GFRA1: variants seen among roughly 807,000 people sequenced by gnomAD.
GFRA1 encodes GDNF family receptor alpha-1.
Under a neutral mutation model 51.6 loss-of-function variants are expected in GFRA1, and 16 were observed. That is an observed-to-expected ratio of 0.31 (90% confidence interval 0.21 to 0.47). The LOEUF (loss-of-function observed/expected upper bound fraction) is 0.47, where lower values mean the gene tolerates loss of function less well. GFRA1 is among the 20% of genes least tolerant of loss of function. The pLI is 1.00. For missense variants in GFRA1, 530 were observed against 594.3 expected (o/e 0.89, Z 1.13); for synonymous variants, 270 against 241.3 (o/e 1.12, Z -1.10).
chr10:116,142,679 TCTAA>T (rs972166067), intron 5 of GFRA1, among the ~76,000 whole-genome samples: 5 of 152,248 alleles, frequency 3.3e-5, no homozygotes, highest in East Asian at 1.9e-4. Flanking sequence ...AATTGGGTAG[TCTAA>T]CTGATGTATT....
chr10:116,232,096 TCA>T (rs1250792070), intron 4 of GFRA1, among the ~76,000 whole-genome samples: 6 of 152,206 alleles, frequency 3.9e-5, no homozygotes, highest in Non-Finnish European at 8.8e-5. Context: ...ATCTGATAAT[TCA>T]GACTGGTGAG....
intron 4 of GFRA1, among the ~76,000 whole-genome samples, chr10:116,221,392 T>C (rs1965913410): frequency 6.6e-6 from 1 of 152,170 alleles, no homozygotes; most frequent in African/African-American, 2.4e-5. Context: ...TCGTCCCTTC[T>C]AAGACACCCC....
Position 116,058,617 on chromosome 10 carries a change from T to A in GFRA1, c.*5781A>T, listed in dbSNP as rs1430986994. The A allele has an allele frequency of 6.6e-6, 1 of 152,236 alleles. No homozygotes were observed. Among genetic ancestry groups the A allele is most frequent in the Non-Finnish European group, 1.5e-5 (1 of 68,068 alleles). The allele number at this position is 152,236 out of a possible 1,614,324, so 9.4% of individuals were successfully genotyped here. A position where few individuals can be genotyped will look rare whatever the true frequency, so the allele number is the denominator to read the frequency against. On this transcript the variant is annotated 3_prime_UTR_variant, in exon 11 of 11. Coordinates refer to ENST00000355422, the MANE Select transcript of GFRA1 (RefSeq NM_005264.8). Reference sequence around the variant, plus strand: ...TTTCATGAATGATTTGTAAAGAGAATACAGCGTCTCCGAAGGACATGAAAT... The same window carrying A: ...TTTCATGAATGATTTGTAAAGAGAAAACAGCGTCTCCGAAGGACATGAAAT...
At chr10:116,253,372 C>T (rs1968549043) in intron 4 of GFRA1, among the ~76,000 whole-genome samples, 1 of 152,198 alleles carries the variant, frequency 6.6e-6, no homozygotes, top group African/African-American at 2.4e-5. Context: ...CTTTAGGAAG[C>T]CAAGATGGGT....
intron 5 of GFRA1, among the ~76,000 whole-genome samples, chr10:116,196,534 T>C (rs969635650): frequency 7.5e-6 from 1 of 133,792 alleles, no homozygotes; most frequent in African/African-American, 2.8e-5. Flanking sequence ...TATATATTTA[T>C]AAATTTATAT....
chr10:116,188,534 G>A (rs1049248426), intron 5 of GFRA1, among the ~76,000 whole-genome samples: 13 of 152,150 alleles, frequency 8.5e-5, no homozygotes, highest in Non-Finnish European at 1.6e-4. Flanking sequence ...TCCTGGAGAT[G>A]GATGGTGGTG....
rs375165326 is a variant in GFRA1 at position 116,224,301 on chromosome 10, C to T, written c.419-12656G>A. 5.8e-4 allele frequency among the ~76,000 whole-genome samples: 89 copies of T among 152,244 alleles called. 2 individuals carry two copies. The South Asian group carries it at 0.014, about 24-fold the overall frequency. ...AGTCTGGCAGGTCCTCAAATAGTTA[C>T]GTATAGAGTTTATCATATGATCCAG... On this transcript the variant is annotated intron_variant, in intron 4 of 10. Coordinates refer to ENST00000355422, the MANE Select transcript of GFRA1 (RefSeq NM_005264.8).
At chr10:116,065,682 A>G in intron 9 of GFRA1, 56 bp from the exon 10 acceptor site, 1 of 1,374,406 alleles carries the variant, frequency 7.3e-7, no homozygotes, top group Non-Finnish European at 1.0e-6. Flanking sequence ...GTAATTACTG[A>G]TGATCCATCA....
At chr10:116,198,983 G>C (rs895773467) in intron 5 of GFRA1, among the ~76,000 whole-genome samples, 41 of 152,162 alleles carry the variant, frequency 2.7e-4, no homozygotes, top group African/African-American at 8.2e-4. Flanking sequence ...CAAAGACCAT[G>C]TGATGATGGA....
chr10:116,121,741 C>T (rs1485556387), intron 6 of GFRA1, among the ~76,000 whole-genome samples: 6 of 152,254 alleles, frequency 3.9e-5, no homozygotes, highest in East Asian at 1.9e-4. Context: ...CCATCCCTTC[C>T]CTTTGGGGCT....
intron 5 of GFRA1, among the ~76,000 whole-genome samples, chr10:116,130,261 T>C (rs989436104): frequency 4.6e-5 from 7 of 152,130 alleles, no homozygotes; most frequent in Non-Finnish European, 7.4e-5. Flanking sequence ...TAAAACTTAA[T>C]AGCTTATATA....
intron 5 of GFRA1, among the ~76,000 whole-genome samples, chr10:116,167,852 G>A (rs553265553): frequency 7.0e-4 from 106 of 152,138 alleles, no homozygotes; most frequent in Non-Finnish European, 1.3e-3. Context: ...ATACTCATGA[G>A]AGTCAGCCTT....
intron 4 of GFRA1, among the ~76,000 whole-genome samples, chr10:116,218,660 C>T (rs1240351739): frequency 3.3e-5 from 5 of 152,108 alleles, no homozygotes; most frequent in African/African-American, 9.7e-5. Flanking sequence ...TATTCATGAC[C>T]CTCCTGCTTC....
intron 5 of GFRA1, among the ~76,000 whole-genome samples, chr10:116,200,394 C>T (rs1211047064): frequency 1.3e-5 from 2 of 152,202 alleles, no homozygotes; most frequent in Non-Finnish European, 2.9e-5. Flanking sequence ...AGACCTTCTG[C>T]AAGGTTTGAC....
intron 6 of GFRA1, among the ~76,000 whole-genome samples, chr10:116,121,875 C>A (rs147958298): frequency 1.3e-5 from 2 of 152,048 alleles, no homozygotes; most frequent in Non-Finnish European, 2.9e-5. Flanking sequence ...AGAACAACAA[C>A]GGCCTCACAG....
intron 6 of GFRA1, among the ~76,000 whole-genome samples, chr10:116,113,184 A>ATT (rs5788134): frequency 0.69 from 102,611 of 148,238 alleles, 37,118 homozygotes; most frequent in Middle Eastern, 0.83. Context: ...CTTCTCCCTA[A>ATT]TTTTTTTTTT....
chr10:116,070,750 G>A (rs1480882336), intron 9 of GFRA1, among the ~76,000 whole-genome samples: 1 of 141,986 alleles, frequency 7.0e-6, no homozygotes, highest in Non-Finnish European at 1.5e-5. Flanking sequence ...CCACCTAGAA[G>A]TCTGGAGCCT....
chr10:116,146,562 T>G (rs1958809729), intron 5 of GFRA1, among the ~76,000 whole-genome samples: 1 of 152,258 alleles, frequency 6.6e-6, no homozygotes, highest in Non-Finnish European at 1.5e-5. Context: ...GTCATGTTGC[T>G]GGTGAGTCAG....
At chr10:116,257,822 C>G (rs998145479) in intron 4 of GFRA1, among the ~76,000 whole-genome samples, 13 of 152,172 alleles carry the variant, frequency 8.5e-5, no homozygotes, top group Admixed American at 6.5e-4. Context: ...AAGGTCAAGC[C>G]CCTGAGTGTG....
Sources: gnomAD v4.1 joint callset for allele counts (sites outside exome capture counted in the v4.1 genomes callset) on GRCh38, gnomAD v4.1.1 for gene constraint, MANE v1.5 for transcripts, NCBI Gene and HGNC (gene_info 2026-07-23, HGNC 2026-07-21) for gene names.